NBAS: variants seen among roughly 807,000 people sequenced by gnomAD.
NBAS encodes NBAS subunit of NRZ tethering complex, also known as NAG/BC035112 fusion.
Under a neutral mutation model 302.5 loss-of-function variants are expected in NBAS, and 219 were observed. The observed-to-expected ratio is 0.72, with a 90% confidence interval of 0.65 to 0.81. The LOEUF (loss-of-function observed/expected upper bound fraction) is 0.81, where lower values mean the gene tolerates loss of function less well. Among genes scored for constraint, NBAS ranks in the 30% least tolerant of loss-of-function variants. NBAS has a pLI of 0.00. For synonymous variants in NBAS, 1,118 were observed against 1,021.6 expected, an observed-to-expected ratio of 1.09 and a Z score of -1.80; for missense variants, 2,932 against 2,841.6, an observed-to-expected ratio of 1.03 and a Z score of -0.72.
chr2:15,502,494 T>C (rs1056936213), intron 11 of NBAS, among the ~76,000 whole-genome samples: 3 of 152,224 alleles, frequency 2.0e-5, no homozygotes, highest in African/African-American at 7.2e-5. Context: ...CTGGGTGGTA[T>C]AGCCTATTGC....
At chr2:14,782,523 T>A in the NBAS span, among the ~76,000 whole-genome samples, 1 of 152,148 alleles carries the variant, frequency 6.6e-6, no homozygotes, top group African/African-American at 2.4e-5. Flanking sequence ...GCAAATTAGT[T>A]CAACCATTGT....
intron 35 of NBAS, among the ~76,000 whole-genome samples, chr2:15,335,314 G>A (rs1672533049): frequency 6.6e-6 from 1 of 151,886 alleles, no homozygotes; most frequent in Non-Finnish European, 1.5e-5. Flanking sequence ...AATACCAATA[G>A]TGCTGCCCTG....
chr2:15,330,063 T>A (rs1481679877), intron 36 of NBAS, among the ~76,000 whole-genome samples: 1 of 152,152 alleles, frequency 6.6e-6, no homozygotes, highest in Non-Finnish European at 1.5e-5. Context: ...AATGAATGAA[T>A]GAGATGCACA....
At chr2:14,846,357 TG>T in the NBAS span, among the ~76,000 whole-genome samples, 1 of 150,764 alleles carries the variant, frequency 6.6e-6, no homozygotes, top group Admixed American at 6.6e-5. Flanking sequence ...AAAGAAGTAG[TG>T]AAAACTTTCC....
intron 35 of NBAS, among the ~76,000 whole-genome samples, chr2:15,340,232 A>G (rs1002279064): frequency 6.6e-6 from 1 of 152,184 alleles, no homozygotes; most frequent in Non-Finnish European, 1.5e-5. Flanking sequence ...TAGGGGAGAT[A>G]TGATGATAAT....
chr2:15,139,501 GGT>G, the NBAS span, among the ~76,000 whole-genome samples: 1,720 of 147,940 alleles, frequency 0.012, 29 homozygotes, highest in East Asian at 0.11. Flanking sequence ...TTTAGTGTAT[GGT>G]GTGTGTGTGT....
Position 15,191,789 on chromosome 2 carries a change from T to C in NBAS, c.6433-1386A>G, listed in dbSNP as rs535238344. Among the ~76,000 whole-genome samples, 3 of 152,300 alleles carry C rather than the reference T, an allele frequency of 2.0e-5. No individual in the cohort carries two copies. In the East Asian group the frequency reaches 5.8e-4, roughly 29 times the overall value. Reference sequence around the variant, plus strand: ...GTTTGGCAATGTTGCCTTGCCTATTTATAAAGAAACTTAAAAAACCAAAAA... The same window carrying C: ...GTTTGGCAATGTTGCCTTGCCTATTCATAAAGAAACTTAAAAAACCAAAAA... On this transcript the variant is annotated intron_variant, in intron 48 of 51. Coordinates refer to ENST00000281513, the MANE Select transcript of NBAS (RefSeq NM_015909.4).
the NBAS span, among the ~76,000 whole-genome samples, chr2:14,968,254 C>G: frequency 6.6e-6 from 1 of 152,300 alleles, no homozygotes; most frequent in Middle Eastern, 3.4e-3. Flanking sequence ...ATAAAGAACT[C>G]TTACAATTCA....
chr2:14,916,047 C>A, the NBAS span, among the ~76,000 whole-genome samples: 1 of 152,130 alleles, frequency 6.6e-6, no homozygotes. Flanking sequence ...ATGTCTTTAT[C>A]AGCAGCATGA....
At chr2:15,146,989 T>C in the NBAS span, among the ~76,000 whole-genome samples, 1 of 152,198 alleles carries the variant, frequency 6.6e-6, no homozygotes, top group Non-Finnish European at 1.5e-5. Flanking sequence ...TTGCTCTGTC[T>C]GTCCCTTCGG....
chr2:14,793,058 CTG>C, the NBAS span, among the ~76,000 whole-genome samples: 2 of 143,730 alleles, frequency 1.4e-5, no homozygotes, highest in Non-Finnish European at 3.0e-5. Flanking sequence ...CATTCTTTCT[CTG>C]TCTCTGTTTC....
At chr2:15,242,132 A>C (rs1169892536) in intron 44 of NBAS, among the ~76,000 whole-genome samples, 1 of 152,206 alleles carries the variant, frequency 6.6e-6, no homozygotes, top group East Asian at 1.9e-4. Flanking sequence ...CTGTCTCGTC[A>C]GCATTACTGA....
the NBAS span, among the ~76,000 whole-genome samples, chr2:14,970,520 A>C: frequency 6.6e-6 from 1 of 152,214 alleles, no homozygotes; most frequent in South Asian, 2.1e-4. Context: ...CGCCTGGTTT[A>C]AAACATCAAG....
rs74443693 is a variant in NBAS, at chr2:15,517,567, G to C, written c.747-6217C>G. Among the ~76,000 whole-genome samples, 10 of 152,160 alleles carry C rather than the reference G, an allele frequency of 6.6e-5. No homozygotes were observed. The East Asian group carries it at 1.7e-3, about 26-fold the overall frequency. Reference sequence around the variant, plus strand: ...CACACACACATAAACATACATCTTAGGTCAAAGAAAGACACATTTAATATT... The same window carrying C: ...CACACACACATAAACATACATCTTACGTCAAAGAAAGACACATTTAATATT... On this transcript the variant is annotated intron_variant, in intron 9 of 51. Transcript: ENST00000281513.
chr2:15,376,328 G>A (rs1011513145), intron 30 of NBAS, among the ~76,000 whole-genome samples: 1 of 152,154 alleles, frequency 6.6e-6, no homozygotes, highest in Non-Finnish European at 1.5e-5. Flanking sequence ...CCTTGCAAGA[G>A]AGAAAGAGAT....
At chr2:14,862,954 T>C in the NBAS span, among the ~76,000 whole-genome samples, 1 of 152,200 alleles carries the variant, frequency 6.6e-6, no homozygotes, top group East Asian at 1.9e-4. Context: ...AAGAAAGCTA[T>C]GGAGAAAGCA....
At chr2:15,200,344 A>G (rs891514430) in intron 48 of NBAS, among the ~76,000 whole-genome samples, 4 of 152,194 alleles carry the variant, frequency 2.6e-5, no homozygotes, top group African/African-American at 4.8e-5. Flanking sequence ...TACTTGTGCA[A>G]TAAATATGGT....
At chr2:15,036,299 G>A in the NBAS span, among the ~76,000 whole-genome samples, 114 of 152,180 alleles carry the variant, frequency 7.5e-4, no homozygotes, top group Non-Finnish European at 1.4e-3. Flanking sequence ...TTTTTATAAG[G>A]TCTACCAAAT....
chr2:15,451,382 G>T (rs779326929), intron 21 of NBAS, among the ~76,000 whole-genome samples: 71 of 152,200 alleles, frequency 4.7e-4, no homozygotes, highest in Non-Finnish European at 6.6e-4. Context: ...GCTGCCTAGA[G>T]TCCATTTTGG....
Sources: allele counts gnomAD v4.1 joint callset (sites outside exome capture counted in the v4.1 genomes callset), GRCh38; gene constraint gnomAD v4.1.1; transcripts MANE v1.5; gene names NCBI Gene and HGNC (gene_info 2026-07-23, HGNC 2026-07-21).